Variants in ADCY9 observed in about 807,000 individuals in gnomAD.
ADCY9 encodes the protein adenylate cyclase type 9.
ADCY9 carries 50 observed loss-of-function variants against 101.5 expected under a neutral mutation model. The observed-to-expected ratio is 0.49, with a 90% CI of 0.39 to 0.62. ADCY9 has a LOEUF of 0.62. Ranked by LOEUF, ADCY9 falls within the 20% of genes least tolerant of loss-of-function variation. The pLI, the probability that ADCY9 is intolerant of heterozygous loss-of-function variation, is 0.00. For synonymous variants in ADCY9, 905 were observed against 769.3 expected (o/e 1.18, Z -2.92); for missense variants, 1,662 against 1,800.4 (o/e 0.92, Z 1.39).
chr16:4,016,288 A>G (rs2056438192), intron 2 of ADCY9, among the ~76,000 whole-genome samples: 1 of 152,270 alleles, frequency 6.6e-6, no homozygotes, highest in Non-Finnish European at 1.5e-5. Context: ...ATCCTGTAAC[A>G]GAGCAGAGTT....
At chr16:4,005,148 C>T (rs1053549589) in intron 3 of ADCY9, among the ~76,000 whole-genome samples, 5 of 152,100 alleles carry the variant, frequency 3.3e-5, no homozygotes, top group African/African-American at 4.8e-5. Flanking sequence ...GTGAAGGCTC[C>T]GAGAAGTCCT....
intron 2 of ADCY9, among the ~76,000 whole-genome samples, chr16:4,022,065 C>T (rs1478438804): frequency 2.0e-5 from 3 of 152,196 alleles, no homozygotes; most frequent in African/African-American, 4.8e-5. Context: ...ACTAGCCTTC[C>T]CTCAGCCACC....
At chr16:4,015,597 T>G (rs1390910730) in intron 2 of ADCY9, 1 of 151,932 alleles carries the variant, frequency 6.6e-6, no homozygotes, top group African/African-American at 2.4e-5. Context: ...TTGAAAGAAA[T>G]AAATAGGTTA....
intron 2 of ADCY9, among the ~76,000 whole-genome samples, chr16:4,014,665 C>A (rs1263093991): frequency 1.3e-5 from 2 of 151,966 alleles, no homozygotes; most frequent in East Asian, 3.9e-4. Context: ...ACAGGCTGGT[C>A]TCGAACTCCT....
intron 2 of ADCY9, among the ~76,000 whole-genome samples, chr16:4,071,008 G>C (rs187595535): frequency 6.6e-6 from 1 of 151,340 alleles, no homozygotes; most frequent in East Asian, 2.0e-4. Context: ...AACTTTTCTT[G>C]ACCCATCAAA....
At chr16:3,982,894 G>A (rs565868746) in intron 7 of ADCY9, 12 of 314,212 alleles carry the variant, frequency 3.8e-5, no homozygotes, top group Admixed American at 1.4e-4. Flanking sequence ...CACTACCCCC[G>A]CTCATGTCTT....
intron 2 of ADCY9, among the ~76,000 whole-genome samples, chr16:4,027,214 C>G (rs936756354): frequency 2.6e-5 from 4 of 152,228 alleles, no homozygotes; most frequent in Non-Finnish European, 5.9e-5. Context: ...GCTCCCACTC[C>G]GTGGAGTGTA....
At chr16:4,103,281 G>C (rs1031123729) in intron 2 of ADCY9, among the ~76,000 whole-genome samples, 4 of 152,218 alleles carry the variant, frequency 2.6e-5, no homozygotes, top group African/African-American at 9.6e-5. Context: ...CTCAAAGTGT[G>C]ATCCGCAGAT....
At chr16:3,989,382 T>G (rs7206387) in intron 5 of ADCY9, among the ~76,000 whole-genome samples, 78,940 of 146,636 alleles carry the variant, frequency 0.54, 22,152 homozygotes, top group East Asian at 0.67. Flanking sequence ...TTTTTTGGGG[T>G]TTTTTTTTTT....
rs887248 is a variant in ADCY9 at position 4,114,336 on chromosome 16, C to T, written c.1107G>A (p.Arg369=). The part of the protein sequence containing the change: ...KRHATSSPKN[R]KKKSSIQKAP... The stretch of plus-strand genomic sequence containing the variant: ...CTTTTTGGATGGAAGACTTTTTCTT[C>T]CTGTTCTTGGGGCTCGAGGTGGCAT... The change falls in exon 2 of 11, where the codon AGG becomes AGA. Residue 369 remains arginine, a synonymous_variant. Coordinates refer to ENST00000294016, the MANE Select transcript of ADCY9 (RefSeq NM_001116.4). This position sits in a 1 kb window ranked among gnomAD's most constrained non-coding sequence, Gnocchi z 4.3. 0.054 allele frequency: 87,783 copies of T among 1,613,920 alleles called. 2,783 individuals carry two copies. Among genetic ancestry groups the T allele is most frequent in the Middle Eastern group, 0.07 (425 of 6,062 alleles).
chr16:4,004,357 T>C (rs2056352887), intron 3 of ADCY9, among the ~76,000 whole-genome samples: 1 of 152,062 alleles, frequency 6.6e-6, no homozygotes, highest in Non-Finnish European at 1.5e-5. Flanking sequence ...TCACTATCAT[T>C]TCCTGGTAGG....
chr16:3,960,543 A>G (rs1251688301), downstream of ADCY9, among the ~76,000 whole-genome samples: 12 of 152,134 alleles, frequency 7.9e-5, no homozygotes, highest in Admixed American at 7.2e-4. Context: ...GCAACGAAAC[A>G]ACAACAACAA....
rs187295685 is a variant in ADCY9 at position 3,989,432 on chromosome 16, A to G, written c.2208-336T>C. ...ACTCTGTCGCCCAGGCTGGAGTGCAATGGCGCAGCGATCTTGGCTCACTGC... is the reference window on the plus strand; with the variant it reads ...ACTCTGTCGCCCAGGCTGGAGTGCAGTGGCGCAGCGATCTTGGCTCACTGC... On this transcript the variant is annotated intron_variant, in intron 5 of 10. Transcript: ENST00000294016. Among the ~76,000 whole-genome samples the G allele has an allele frequency of 3.9e-5, 6 of 151,996 alleles. No homozygotes were observed. The East Asian group carries it at 7.7e-4, about 20-fold the overall frequency.
At chr16:4,070,418 T>C (rs2056826698) in intron 2 of ADCY9, among the ~76,000 whole-genome samples, 1 of 152,178 alleles carries the variant, frequency 6.6e-6, no homozygotes, top group South Asian at 2.1e-4. Flanking sequence ...TTTCAAATAA[T>C]ATTATGTTAT....
intron 2 of ADCY9, among the ~76,000 whole-genome samples, chr16:4,108,047 T>G (rs2057089123): frequency 6.6e-6 from 1 of 152,210 alleles, no homozygotes; most frequent in East Asian, 1.9e-4. Flanking sequence ...TCTGACAATG[T>G]GATCACTCCC....
intron 2 of ADCY9, among the ~76,000 whole-genome samples, chr16:4,038,264 G>C (rs932482018): frequency 5.5e-4 from 81 of 148,408 alleles, no homozygotes; most frequent in African/African-American, 2.0e-3. Flanking sequence ...TTGGGCGACA[G>C]AGTACGATTC....
intron 2 of ADCY9, among the ~76,000 whole-genome samples, chr16:4,100,224 C>T (rs995920908): frequency 2.6e-5 from 4 of 152,178 alleles, no homozygotes; most frequent in African/African-American, 9.7e-5. Flanking sequence ...GTTTCTCCTT[C>T]ATCTTCTGCC....
At chr16:4,095,390 C>G (rs2056997252) in intron 2 of ADCY9, among the ~76,000 whole-genome samples, 1 of 148,318 alleles carries the variant, frequency 6.7e-6, no homozygotes, top group African/African-American at 2.4e-5. Flanking sequence ...TCCCCTTGCA[C>G]ACTCAATATA....
chr16:4,070,704 G>C (rs1025996167), intron 2 of ADCY9, among the ~76,000 whole-genome samples: 18 of 151,994 alleles, frequency 1.2e-4, no homozygotes, highest in African/African-American at 4.1e-4. Context: ...CTATCACTTT[G>C]GGAGGCCGAG....
Sources: allele counts gnomAD v4.1 joint callset (sites outside exome capture counted in the v4.1 genomes callset), GRCh38; gene constraint gnomAD v4.1.1; non-coding constraint Gnocchi (gnomAD v3.1); transcripts MANE v1.5; gene names NCBI Gene and HGNC (gene_info 2026-07-23, HGNC 2026-07-21).